DMD: variants seen among roughly 807,000 people sequenced by gnomAD.
The protein encoded by DMD is mutant dystrophin.
In DMD, 63 loss-of-function variants were observed where a neutral mutation model predicts 330.1. The ratio of observed to expected loss-of-function variants is 0.19; its 90% CI spans 0.16 to 0.24. The LOEUF (loss-of-function observed/expected upper bound fraction) is 0.24. Among genes scored for constraint, DMD ranks in the 10% least tolerant of loss-of-function variants. The pLI is 1.00. For synonymous variants in DMD, 1,223 were observed against 959.8 expected (o/e 1.27, Z -5.07); for missense variants, 3,344 against 2,684.1 (o/e 1.25, Z -5.43).
intron 55 of DMD, among the ~76,000 whole-genome samples, chrX:31,520,023 A>G (rs1400295062): frequency 8.9e-6 from 1 of 112,350 alleles, no homozygotes; most frequent in East Asian, 2.8e-4. Context: ...TCTTTTGTTA[A>G]TGTATGAGGA....
intron 60 of DMD, among the ~76,000 whole-genome samples, chrX:31,383,458 G>GCTACTA (rs905286698): frequency 8.9e-6 from 1 of 111,988 alleles, no homozygotes; most frequent in African/African-American, 3.2e-5. Context: ...TGTTGCTGCT[G>GCTACTA]CTACTACTAC....
intron 23 of DMD, among the ~76,000 whole-genome samples, chrX:32,467,605 T>C (rs371155859): frequency 2.8e-5 from 3 of 107,677 alleles, no homozygotes; most frequent in Non-Finnish European, 5.7e-5. Flanking sequence ...TGTATATATG[T>C]ACATGATATA....
At chrX:31,848,471 C>G (rs1357904533) in intron 48 of DMD, among the ~76,000 whole-genome samples, 1 of 111,456 alleles carries the variant, frequency 9.0e-6, no homozygotes, top group East Asian at 2.8e-4. Context: ...AGAAAGTCGT[C>G]ATGGGATTTC....
chrX:32,791,008 T>C (rs768491891), intron 7 of DMD, among the ~76,000 whole-genome samples: 4 of 110,769 alleles, frequency 3.6e-5, no homozygotes, highest in Admixed American at 9.5e-5. Context: ...TAAAAATTTG[T>C]ATAGAGACCT....
At chrX:32,174,937 G>A (rs1412556779) in intron 44 of DMD, among the ~76,000 whole-genome samples, 2 of 111,405 alleles carry the variant, frequency 1.8e-5, no homozygotes, top group Non-Finnish European at 3.8e-5. Context: ...TATATAGAGA[G>A]CCTCTTTTGA....
intron 43 of DMD, among the ~76,000 whole-genome samples, chrX:32,230,925 AATACATGTACAC>A (rs1402176175): frequency 8.9e-6 from 1 of 112,205 alleles, no homozygotes; most frequent in Non-Finnish European, 1.9e-5. Context: ...TAAGTTATCA[AATACATGTACAC>A]ATATATGAAT....
intron 44 of DMD, among the ~76,000 whole-genome samples, chrX:32,024,283 G>A (rs181440794): frequency 0.014 from 1,503 of 109,817 alleles, 12 homozygotes; most frequent in Non-Finnish European, 0.023. Context: ...TGAGGAACTC[G>A]AGACCAGCCT....
intron 67 of DMD, among the ~76,000 whole-genome samples, chrX:31,196,906 A>T (rs1277219045): frequency 1.9e-5 from 2 of 105,244 alleles, no homozygotes; most frequent in East Asian, 6.2e-4. Context: ...TAACCAGCCA[A>T]AAGTCTCCTG....
chrX:32,401,217 A>C (rs2098084060), intron 30 of DMD, among the ~76,000 whole-genome samples: 1 of 106,699 alleles, frequency 9.4e-6, no homozygotes, highest in Non-Finnish European at 1.9e-5. Flanking sequence ...GCATTGGGAG[A>C]TATACCTAAT....
chrX:32,596,304 A>T lies in DMD; in HGVS notation c.1483-428T>A, dbSNP rs185955350. Reference sequence around the variant, plus strand: ...TATTATGTGTTCCTCTTCACTGAAAAAAAAAAAAACAAATGTATCCTATAG... The same window carrying T: ...TATTATGTGTTCCTCTTCACTGAAATAAAAAAAAACAAATGTATCCTATAG... On this transcript the variant is annotated intron_variant, in intron 12 of 78. Coordinates refer to ENST00000357033, the MANE Select transcript of DMD (RefSeq NM_004006.3). 6.8e-3 allele frequency among the ~76,000 whole-genome samples: 746 copies of T among 110,075 alleles called. 4 individuals are homozygous for T. Among genetic ancestry groups the T allele is most frequent in the African/African-American group, 0.024 (718 of 30,273 alleles).
chrX:33,306,301 A>G (rs2053761699), intron 1 of DMD, among the ~76,000 whole-genome samples: 1 of 111,878 alleles, frequency 8.9e-6, no homozygotes, highest in Non-Finnish European at 1.9e-5. Flanking sequence ...CAAATTTTTA[A>G]TGCATTTACT....
chrX:31,252,982 T>A (rs929009040), intron 63 of DMD, among the ~76,000 whole-genome samples: 1 of 99,147 alleles, frequency 1.0e-5, no homozygotes, highest in Non-Finnish European at 2.0e-5. Flanking sequence ...AGAGTGAGAC[T>A]CCGTCTCAAA....
At chrX:31,220,028 A>G (rs907394851) in intron 64 of DMD, among the ~76,000 whole-genome samples, 5 of 111,562 alleles carry the variant, frequency 4.5e-5, no homozygotes, top group Middle Eastern at 4.6e-3. Context: ...TACAGTATTC[A>G]GAACAGTCAC....
chrX:32,565,632 T>A (rs998102166), intron 16 of DMD, 70 bp downstream of exon 16: 7 of 1,064,897 alleles, frequency 6.6e-6, no homozygotes, highest in Non-Finnish European at 9.2e-6. Flanking sequence ...AGGGTTATAA[T>A]GTCACTCTCT....
At chrX:32,982,713 C>T (rs1274886406) in intron 2 of DMD, among the ~76,000 whole-genome samples, 4 of 111,765 alleles carry the variant, frequency 3.6e-5, no homozygotes, top group African/African-American at 1.3e-4. Flanking sequence ...CCAGACTCAC[C>T]ATTTCGAGAC....
chrX:32,142,560 T>C (rs1051763864), intron 44 of DMD, among the ~76,000 whole-genome samples: 4 of 112,380 alleles, frequency 3.6e-5, no homozygotes, highest in Admixed American at 2.8e-4. Context: ...TTAAAACATC[T>C]GACTAAGTCC....
chrX:32,273,180 C>A (rs976352938), intron 43 of DMD, among the ~76,000 whole-genome samples: 1 of 110,012 alleles, frequency 9.1e-6, no homozygotes, highest in East Asian at 2.9e-4. Flanking sequence ...GAGTAAGATG[C>A]GGGCTGAATC....
At chrX:32,295,825 G>A (rs2097493233) in intron 42 of DMD, among the ~76,000 whole-genome samples, 1 of 111,762 alleles carries the variant, frequency 8.9e-6, no homozygotes, top group South Asian at 3.8e-4. Flanking sequence ...AATGTAAAGT[G>A]ACAACTACTC....
At chrX:31,392,611 A>C (rs1440483176) in intron 60 of DMD, among the ~76,000 whole-genome samples, 1 of 112,302 alleles carries the variant, frequency 8.9e-6, no homozygotes, top group Non-Finnish European at 1.9e-5. Flanking sequence ...AACTGTGTCT[A>C]TATGTGTATG....
Sources: allele counts gnomAD v4.1 joint callset (sites outside exome capture counted in the v4.1 genomes callset), GRCh38; gene constraint gnomAD v4.1.1; transcripts MANE v1.5; gene names NCBI Gene and HGNC (gene_info 2026-07-23, HGNC 2026-07-21).